MEI4: variants seen among roughly 807,000 people sequenced by gnomAD.
MEI4 encodes meiosis-specific protein MEI4.
Under a neutral mutation model 31.4 loss-of-function variants are expected in MEI4, and 27 were observed. The observed-to-expected ratio is 0.86, with a 90% confidence interval of 0.63 to 1.19. The LOEUF is 1.19. Ranked by LOEUF, MEI4 falls within the 50% of genes most tolerant of loss-of-function variation. The pLI is 0.00. For synonymous variants in MEI4, 122 were observed against 145.4 expected, an observed-to-expected ratio of 0.84 and a Z score of 1.16; for missense variants, 329 against 398.9, an observed-to-expected ratio of 0.82 and a Z score of 1.49.
intron 4 of MEI4, among the ~76,000 whole-genome samples, chr6:77,883,459 C>G (rs1056141570): frequency 1.3e-5 from 2 of 151,556 alleles, no homozygotes; most frequent in Non-Finnish European, 2.9e-5. Flanking sequence ...CCCCGCCTCC[C>G]CCCGTGAGCC....
At chr6:77,803,456 G>A (rs953902997) in intron 3 of MEI4, among the ~76,000 whole-genome samples, 2 of 151,938 alleles carry the variant, frequency 1.3e-5, no homozygotes, top group Admixed American at 1.3e-4. Context: ...TCGTCTGAAG[G>A]CTTCTTCTCT....
rs541693844 is a variant in MEI4 at position 77,685,658 on chromosome 6, C to A, written c.-14-5000C>A. On this transcript the variant is annotated intron_variant, in intron 1 of 4. Transcript: ENST00000684080. Reference sequence around the variant, plus strand: ...TGCAGCTCTTTCCCTATGTTTTCTTCTAGTAGTTTTATGGTTTCATGTTAT... The same window carrying A: ...TGCAGCTCTTTCCCTATGTTTTCTTATAGTAGTTTTATGGTTTCATGTTAT... 2.6e-5 allele frequency among the ~76,000 whole-genome samples: 4 copies of A among 152,146 alleles called. No individual in the cohort carries two copies. In the South Asian group the frequency reaches 8.3e-4, roughly 32 times the overall value.
chr6:77,747,925 A>G (rs1234586103), intron 2 of MEI4, among the ~76,000 whole-genome samples: 1 of 152,246 alleles, frequency 6.6e-6, no homozygotes, highest in Admixed American at 6.5e-5. Context: ...AAATTGACCA[A>G]AACAAAGGGG....
chr6:77,758,091 G>A (rs1381217739), intron 2 of MEI4, among the ~76,000 whole-genome samples: 1 of 150,706 alleles, frequency 6.6e-6, no homozygotes, highest in Non-Finnish European at 1.5e-5. Context: ...AGGAGGTGGA[G>A]GTTCTGTGAG....
At chr6:77,836,442 C>A (rs1357833112) in intron 4 of MEI4, among the ~76,000 whole-genome samples, 1 of 152,070 alleles carries the variant, frequency 6.6e-6, no homozygotes, top group Non-Finnish European at 1.5e-5. Context: ...TGGAAGAAAG[C>A]ATATTAGCAG....
At chr6:77,887,231 G>A (rs115804733) in intron 4 of MEI4, among the ~76,000 whole-genome samples, 1,535 of 148,014 alleles carry the variant, frequency 0.01, 27 homozygotes, top group African/African-American at 0.035. Flanking sequence ...GTCATTCATA[G>A]TCATTTTGTT....
At chr6:77,879,384 A>T (rs1771425400) in intron 4 of MEI4, among the ~76,000 whole-genome samples, 1 of 152,198 alleles carries the variant, frequency 6.6e-6, no homozygotes, top group Non-Finnish European at 1.5e-5. Context: ...AACACCATGC[A>T]CATCAACCAC....
chr6:77,703,905 G>A (rs1222084707), intron 2 of MEI4, among the ~76,000 whole-genome samples: 1 of 152,162 alleles, frequency 6.6e-6, no homozygotes, highest in East Asian at 1.9e-4. Context: ...TATTTGACTA[G>A]CAAGGGACTG....
At chr6:77,866,194 A>T (rs1476121334) in intron 4 of MEI4, among the ~76,000 whole-genome samples, 8 of 151,694 alleles carry the variant, frequency 5.3e-5, no homozygotes, top group East Asian at 1.9e-4. Context: ...CTCTCTCACC[A>T]CTCCTATTCA....
At position 77,728,270 on chromosome 6, in the gene MEI4, T is replaced by C. The variant is rs1766879147; in HGVS notation, c.233-32860T>C. ...CTTAAATGTATTACACTAGCTTAGT[T>C]CTAAAGATTGTAAAAGAAGAAAAAG... On this transcript the variant is annotated intron_variant, in intron 2 of 4. Coordinates refer to ENST00000684080, the MANE Select transcript of MEI4 (RefSeq NM_001322247.2). Among the ~76,000 whole-genome samples, 5 of 152,344 alleles carry C rather than the reference T, an allele frequency of 3.3e-5. No individual in the cohort carries two copies. The South Asian group carries it at 1.0e-3, about 32-fold the overall frequency.
Position 77,820,242 on chromosome 6 carries a change from TTTTTTG to T in MEI4, c.769-8670_769-8665del, listed in dbSNP as rs547797358. ...ACAAAGAGACTCCTGGGACTGGTTT[TTTTTTG>T]TTTTTGTTTTTGTTTTTGGAGATGG... On this transcript the variant is annotated intron_variant, in intron 3 of 4. Transcript: ENST00000684080. The surrounding 1 kb of genome is among the most constrained non-coding windows in gnomAD (Gnocchi z 4.5). Among the ~76,000 whole-genome samples the T allele has an allele frequency of 1.3e-5, 2 of 152,084 alleles. No homozygotes were observed. Among genetic ancestry groups the T allele is most frequent in the Admixed American group, 6.6e-5 (1 of 15,254 alleles).
rs543522467 is a variant in MEI4 at position 77,841,232 on chromosome 6, G to T, written c.900+12170G>T. On this transcript the variant is annotated intron_variant, in intron 4 of 4. Transcript: ENST00000684080. ...ACTAAAATATAAAGTTATTAGGATAGCAGGAATTTTCAGTTGTATAGCTTC... is the reference window on the plus strand; with the variant it reads ...ACTAAAATATAAAGTTATTAGGATATCAGGAATTTTCAGTTGTATAGCTTC... Among the ~76,000 whole-genome samples the T allele has an allele frequency of 1.3e-3, 195 of 146,202 alleles. 1 individual carries two copies. The highest frequency in any genetic ancestry group is 4.3e-3 in the African/African-American group (171 of 39,548).
intron 4 of MEI4, among the ~76,000 whole-genome samples, chr6:77,857,488 C>T (rs1770773653): frequency 6.6e-6 from 1 of 152,176 alleles, no homozygotes; most frequent in Admixed American, 6.5e-5. Flanking sequence ...AACTAGAATG[C>T]TCCAGTGCCA....
chr6:77,706,645 A>G (rs112601937), intron 2 of MEI4, among the ~76,000 whole-genome samples: 122 of 152,246 alleles, frequency 8.0e-4, no homozygotes, highest in African/African-American at 2.8e-3. Context: ...GCCTAGTGGT[A>G]GATATTTGGG....
chr6:77,753,370 A>G (rs1767829870), intron 2 of MEI4, among the ~76,000 whole-genome samples: 1 of 152,186 alleles, frequency 6.6e-6, no homozygotes, highest in Non-Finnish European at 1.5e-5. Context: ...AAGGGCTAAT[A>G]TCCAGAATCT....
At chr6:77,651,536 C>T (rs2127639603), upstream of MEI4, among the ~76,000 whole-genome samples, 1 of 152,246 alleles carries the variant, frequency 6.6e-6, no homozygotes, top group African/African-American at 2.4e-5. Flanking sequence ...ACACATTGAT[C>T]ACTTTTGGGG....
At position 77,849,792 on chromosome 6, in the gene MEI4, T is replaced by C. The variant is rs1351061241; in HGVS notation, c.900+20730T>C. Among the ~76,000 whole-genome samples, 8 of 152,306 alleles carry C rather than the reference T, an allele frequency of 5.3e-5. No individual in the cohort carries two copies. The South Asian group carries it at 1.5e-3, about 28-fold the overall frequency. On this transcript the variant is annotated intron_variant, in intron 4 of 4. Coordinates refer to ENST00000684080, the MANE Select transcript of MEI4 (RefSeq NM_001322247.2). ...TGTAATGGTACTCAAAAACTTCTTTTATTTAGTTAGTTGATGTCAATATGT... is the reference window on the plus strand; with the variant it reads ...TGTAATGGTACTCAAAAACTTCTTTCATTTAGTTAGTTGATGTCAATATGT...
chr6:77,728,734 C>G (rs1766891140), intron 2 of MEI4, among the ~76,000 whole-genome samples: 1 of 152,136 alleles, frequency 6.6e-6, no homozygotes, highest in South Asian at 2.1e-4. Flanking sequence ...GCAGAAAGTT[C>G]AGTGAGCAGA....
intron 2 of MEI4, among the ~76,000 whole-genome samples, chr6:77,756,743 ATTG>A (rs992066505): frequency 3.4e-5 from 5 of 148,916 alleles, no homozygotes; most frequent in Non-Finnish European, 5.9e-5. Context: ...TATCTATGTA[ATTG>A]TTGTGGTTTG....
Sources: gnomAD v4.1 joint callset for allele counts (sites outside exome capture counted in the v4.1 genomes callset) on GRCh38, gnomAD v4.1.1 for gene constraint, Gnocchi (gnomAD v3.1) non-coding constraint, MANE v1.5 for transcripts, NCBI Gene and HGNC (gene_info 2026-07-23, HGNC 2026-07-21) for gene names.